Variants in PRKCE observed in about 807,000 individuals in gnomAD.
PRKCE encodes the protein protein kinase C epsilon type.
Under a neutral mutation model 85.4 loss-of-function variants are expected in PRKCE, and 16 were observed. The ratio of observed to expected loss-of-function variants is 0.19; its 90% CI spans 0.13 to 0.28. The LOEUF is 0.28. PRKCE is among the 10% of genes least tolerant of loss of function. PRKCE has a pLI of 1.00. For missense variants in PRKCE, 573 were observed against 975.2 expected (o/e 0.59, Z 5.49); for synonymous variants, 388 against 371.5 (o/e 1.04, Z -0.51).
At chr2:46,008,995 A>T (rs1343127092) in intron 9 of PRKCE, among the ~76,000 whole-genome samples, 2 of 152,208 alleles carry the variant, frequency 1.3e-5, no homozygotes, top group African/African-American at 2.4e-5. Flanking sequence ...TAAGTTTCTG[A>T]TGGCTGCTTT....
At chr2:45,782,381 G>A (rs75975762) in intron 1 of PRKCE, among the ~76,000 whole-genome samples, 482 of 152,246 alleles carry the variant, frequency 3.2e-3, no homozygotes, top group African/African-American at 0.011. Context: ...CTTGATTAGC[G>A]AGGTGGTGTT....
chr2:46,011,773 C>CACACAT (rs1705699617), intron 10 of PRKCE, among the ~76,000 whole-genome samples: 2 of 151,894 alleles, frequency 1.3e-5, no homozygotes, highest in African/African-American at 4.8e-5. Context: ...CTCTCTTACA[C>CACACAT]ACACATACAC....
chr2:45,958,294 G>A (rs1285228015), intron 2 of PRKCE, among the ~76,000 whole-genome samples: 1 of 151,466 alleles, frequency 6.6e-6, no homozygotes, highest in Non-Finnish European at 1.5e-5. Flanking sequence ...CAGATCACGA[G>A]GTCAGGGGTT....
intron 2 of PRKCE, among the ~76,000 whole-genome samples, chr2:45,902,750 A>G (rs914368189): frequency 6.6e-6 from 1 of 152,220 alleles, no homozygotes; most frequent in Middle Eastern, 3.2e-3. Flanking sequence ...ACAGTAACTC[A>G]AGGGTTAGTT....
chr2:45,846,578 T>C (rs6719779), intron 2 of PRKCE, among the ~76,000 whole-genome samples: 49,127 of 152,086 alleles, frequency 0.32, 8,091 homozygotes, highest in Admixed American at 0.37. Flanking sequence ...AGTCAAGTTC[T>C]GGAGGGATTG....
chr2:46,184,592 C>G lies in PRKCE; in HGVS notation c.2068-143C>G. ...CTGGGGCCATCCATCGTTACCTCAT[C>G]GGGACAGCCCCGTGTCTGCTGTCTG... On this transcript the variant is annotated intron_variant, in intron 14 of 14. Coordinates refer to ENST00000306156, the MANE Select transcript of PRKCE (RefSeq NM_005400.3). The surrounding 1 kb of genome is among the most constrained non-coding windows in gnomAD (Gnocchi z 5.0). 1 of 1,043,846 alleles carries G rather than the reference C, an allele frequency of 9.6e-7. No homozygotes were observed. The highest frequency in any genetic ancestry group is 1.4e-6 in the Non-Finnish European group (1 of 717,276). The allele number at this position is 1,043,846 out of a possible 1,614,324, so 64.7% of individuals were successfully genotyped here. A position where few individuals can be genotyped will look rare whatever the true frequency, so the allele number is the denominator to read the frequency against.
chr2:45,662,505 G>A (rs528310753), intron 1 of PRKCE, among the ~76,000 whole-genome samples: 1 of 152,222 alleles, frequency 6.6e-6, no homozygotes, highest in East Asian at 1.9e-4. Context: ...TTTCCCAGCT[G>A]TGAAATCAGG....
At chr2:46,082,247 A>G (rs1185103651) in intron 10 of PRKCE, among the ~76,000 whole-genome samples, 1 of 152,162 alleles carries the variant, frequency 6.6e-6, no homozygotes, top group Non-Finnish European at 1.5e-5. Context: ...ACAAGGGATG[A>G]TAGTTGCTTG....
chr2:46,054,061 A>G (rs1260105575), intron 10 of PRKCE, among the ~76,000 whole-genome samples: 4 of 152,188 alleles, frequency 2.6e-5, no homozygotes, highest in Admixed American at 1.3e-4. Context: ...TAGTGAGATA[A>G]GAGAATTAGT....
rs192527658 is a variant in PRKCE at position 45,955,057 on chromosome 2, C to T, written c.413-21372C>T. 3.7e-3 allele frequency among the ~76,000 whole-genome samples: 560 copies of T among 152,124 alleles called. 3 individuals are homozygous for T. In the Middle Eastern group the frequency reaches 0.037, roughly 10 times the overall value. Reference sequence around the variant, plus strand: ...GTAACTAGCAATCTAGCTGAGGAAACAATATGAACACTCCATCACGCACTC... The same window carrying T: ...GTAACTAGCAATCTAGCTGAGGAAATAATATGAACACTCCATCACGCACTC... On this transcript the variant is annotated intron_variant, in intron 2 of 14. Transcript: ENST00000306156.
chr2:45,869,449 C>G (rs960642901), intron 2 of PRKCE, among the ~76,000 whole-genome samples: 3 of 152,180 alleles, frequency 2.0e-5, no homozygotes, highest in African/African-American at 7.2e-5. Flanking sequence ...TGGTAACAAA[C>G]ACAAAATCTA....
intron 6 of PRKCE, among the ~76,000 whole-genome samples, chr2:45,995,566 T>C (rs1052161704): frequency 6.6e-6 from 1 of 152,218 alleles, no homozygotes; most frequent in African/African-American, 2.4e-5. Context: ...CTGTTTTGCA[T>C]GTCTAGTTTT....
chr2:46,059,773 C>T (rs866080020), intron 10 of PRKCE, among the ~76,000 whole-genome samples: 7 of 152,106 alleles, frequency 4.6e-5, no homozygotes, highest in Non-Finnish European at 8.8e-5. Context: ...TGTGAATAGC[C>T]GCTACACTCC....
intron 1 of PRKCE, among the ~76,000 whole-genome samples, chr2:45,661,458 T>C (rs1675637604): frequency 6.7e-6 from 1 of 150,272 alleles, no homozygotes; most frequent in Non-Finnish European, 1.5e-5. Flanking sequence ...TCTGGGATTA[T>C]ATAAGAGAAG....
At chr2:45,737,046 T>C (rs574537699) in intron 1 of PRKCE, among the ~76,000 whole-genome samples, 1 of 152,262 alleles carries the variant, frequency 6.6e-6, no homozygotes, top group East Asian at 1.9e-4. Flanking sequence ...ATCGTGCATC[T>C]CTCTGCCTGT....
chr2:45,878,408 T>A (rs1694634511), intron 2 of PRKCE, among the ~76,000 whole-genome samples: 2 of 152,220 alleles, frequency 1.3e-5, no homozygotes, highest in Admixed American at 1.3e-4. Flanking sequence ...TCTACTCTTA[T>A]CCTGAGTCTG....
At position 45,940,077 on chromosome 2, in the gene PRKCE, CCTT is replaced by C. The variant is rs371285363; in HGVS notation, c.413-36345_413-36343del. Among the ~76,000 whole-genome samples, 356 of 152,326 alleles carry C rather than the reference CCTT, an allele frequency of 2.3e-3. 5 individuals are homozygous for C. The highest frequency in any genetic ancestry group is 8.0e-3 in the African/African-American group (332 of 41,570). On this transcript the variant is annotated intron_variant, in intron 2 of 14. Coordinates refer to ENST00000306156, the MANE Select transcript of PRKCE (RefSeq NM_005400.3). The stretch of plus-strand genomic sequence containing the variant: ...TAGAACTTGTCTCTGCGTCTTCCTG[CCTT>C]CTTCTTTTTTGCGCTCACTTACTGG...
chr2:45,982,263 G>C (rs754078441), intron 5 of PRKCE, among the ~76,000 whole-genome samples: 8 of 147,854 alleles, frequency 5.4e-5, no homozygotes, highest in Non-Finnish European at 1.2e-4. Context: ...ACCAAACTTT[G>C]AGTTCGTTCT....
chr2:45,824,610 C>G (rs1220712899), intron 1 of PRKCE, among the ~76,000 whole-genome samples: 4 of 152,114 alleles, frequency 2.6e-5, no homozygotes, highest in African/African-American at 4.8e-5. Context: ...CATTTCCTCC[C>G]TTCTTTTTCT....
Sources: gnomAD v4.1 joint callset for allele counts (sites outside exome capture counted in the v4.1 genomes callset) on GRCh38, gnomAD v4.1.1 for gene constraint, Gnocchi (gnomAD v3.1) non-coding constraint, MANE v1.5 for transcripts, NCBI Gene and HGNC (gene_info 2026-07-23, HGNC 2026-07-21) for gene names.